The following WFDC11 variants were observed in gnomAD, a reference collection of about 807,000 sequenced individuals.
WFDC11 encodes WAP four-disulfide core domain 11, also known as protein WFDC11.
A neutral mutation model predicts 9.9 loss-of-function variants in WFDC11; 9 were observed. That is an observed-to-expected ratio of 0.91 (90% CI 0.55 to 1.58). WFDC11 has a LOEUF of 1.58. Among genes scored for constraint, WFDC11 ranks in the 40% most tolerant of loss-of-function variants. The probability of loss-of-function intolerance (pLI) is 0.00; values close to 1 mark genes in which losing one functional copy is unlikely to be tolerated. For missense variants in WFDC11, 106 were observed against 101.7 expected (o/e 1.04, Z -0.18); for synonymous variants, 32 against 33.3 (o/e 0.96, Z 0.13).
intron 2 of WFDC11, among the ~76,000 whole-genome samples, chr20:45,659,326 C>T (rs754900567): frequency 6.6e-6 from 1 of 152,212 alleles, no homozygotes; most frequent in Non-Finnish European, 1.5e-5. Flanking sequence ...TACAGTCCCA[C>T]CAACAGTGTA....
chr20:45,650,255 G>T (rs867670563), intron 3 of WFDC11, among the ~76,000 whole-genome samples: 1,541 of 151,518 alleles, frequency 0.01, 8 homozygotes, highest in Middle Eastern at 0.017. Context: ...TATAGAGAGA[G>T]AGAGAGAGAG....
chr20:45,668,824 G>A (rs1983238947), intron 1 of WFDC11, among the ~76,000 whole-genome samples: 1 of 152,102 alleles, frequency 6.6e-6, no homozygotes, highest in Admixed American at 6.5e-5. Context: ...GACAAGCTTG[G>A]TGGTTTCAGT....
intron 2 of WFDC11, among the ~76,000 whole-genome samples, chr20:45,652,614 A>G (rs1336314411): frequency 1.3e-5 from 2 of 152,202 alleles, no homozygotes; most frequent in Non-Finnish European, 2.9e-5. Flanking sequence ...AGAAGGCTTC[A>G]GACGATCAAA....
chr20:45,662,591 C>T (rs1209400054), intron 2 of WFDC11, among the ~76,000 whole-genome samples: 2 of 152,098 alleles, frequency 1.3e-5, no homozygotes, highest in East Asian at 3.8e-4. Flanking sequence ...GAGATACGTC[C>T]CATCAATAGC....
chr20:45,653,556 A>G (rs1412730334), intron 2 of WFDC11, among the ~76,000 whole-genome samples: 1 of 152,162 alleles, frequency 6.6e-6, no homozygotes, highest in African/African-American at 2.4e-5. Context: ...CATCATAATG[A>G]CAGGATCAAA....
chr20:45,652,394 A>G (rs1982827882), intron 2 of WFDC11, among the ~76,000 whole-genome samples: 1 of 152,152 alleles, frequency 6.6e-6, no homozygotes, highest in African/African-American at 2.4e-5. Flanking sequence ...AAGGAAAACT[A>G]ACAAACAGAA....
intron 2 of WFDC11, among the ~76,000 whole-genome samples, chr20:45,659,398 G>T (rs1422156508): frequency 2.0e-5 from 3 of 152,068 alleles, no homozygotes; most frequent in South Asian, 2.1e-4. Flanking sequence ...TTTAATGATT[G>T]CCATTCTAAC....
rs910480649 is a variant in WFDC11 at position 45,663,553 on chromosome 20, T to C, written c.-52+3535A>G. On this transcript the variant is annotated intron_variant, in intron 2 of 4. Transcript: ENST00000324384. ...ATTTTAGACCTTCCCTGCTTTCTCT[T>C]GTGGGCATTTAGTGCTATAAATTTC... 3.3e-5 allele frequency among the ~76,000 whole-genome samples: 5 copies of C among 152,230 alleles called. No individual in the cohort carries two copies. The East Asian group carries it at 5.8e-4, about 18-fold the overall frequency.
chr20:45,666,281 G>T lies in WFDC11; in HGVS notation c.-52+807C>A, dbSNP rs148069397. Among the ~76,000 whole-genome samples, 53 of 152,358 alleles carry T rather than the reference G, an allele frequency of 3.5e-4. No individual in the cohort carries two copies. In the East Asian group the frequency reaches 8.9e-3, roughly 25 times the overall value. ...GCCAGTTGCTAAGACCTTGGGAAAA[G>T]CACAGTATTTGGGTGGGAGTGTCCT... On this transcript the variant is annotated intron_variant, in intron 2 of 4. Coordinates refer to ENST00000324384, the MANE Select transcript of WFDC11 (RefSeq NM_147197.2).
At chr20:45,659,214 T>C (rs991158312) in intron 2 of WFDC11, among the ~76,000 whole-genome samples, 11 of 152,262 alleles carry the variant, frequency 7.2e-5, no homozygotes, top group African/African-American at 1.2e-4. Context: ...TTATAATCCT[T>C]TGGGTGTATA....
At chr20:45,654,886 A>G (rs1982889504) in intron 2 of WFDC11, among the ~76,000 whole-genome samples, 2 of 152,358 alleles carry the variant, frequency 1.3e-5, no homozygotes, top group South Asian at 4.1e-4. Flanking sequence ...AACCAGGAAG[A>G]AGTTGAATCG....
At chr20:45,660,731 A>G (rs6073840) in intron 2 of WFDC11, among the ~76,000 whole-genome samples, 26,623 of 152,102 alleles carry the variant, frequency 0.18, 2,502 homozygotes, top group East Asian at 0.32. Flanking sequence ...CCATGTCCCT[A>G]CAAAGGACAT....
chr20:45,663,195 A>T (rs572248781), intron 2 of WFDC11, among the ~76,000 whole-genome samples: 1 of 152,100 alleles, frequency 6.6e-6, no homozygotes, highest in Non-Finnish European at 1.5e-5. Flanking sequence ...TACATTTTCT[A>T]GTTTATTTGC....
At chr20:45,654,648 T>A (rs1052110697) in intron 2 of WFDC11, among the ~76,000 whole-genome samples, 3 of 151,932 alleles carry the variant, frequency 2.0e-5, no homozygotes, top group African/African-American at 7.3e-5. Flanking sequence ...CAGGAGCTGG[T>A]TTTTTGAAAA....
Position 45,668,421 on chromosome 20 carries a change from T to C in WFDC11, c.-133-1252A>G, listed in dbSNP as rs190938225. Among the ~76,000 whole-genome samples, 480 of 152,200 alleles carry C rather than the reference T, an allele frequency of 3.2e-3. 4 individuals carry two copies. The highest frequency in any genetic ancestry group is 0.011 in the African/African-American group (443 of 41,548). On this transcript the variant is annotated intron_variant, in intron 1 of 4. Transcript: ENST00000324384. Reference sequence around the variant, plus strand: ...TGCCTCTTCCCACTTTACAATATACTCTTGGCCTTGTCCTATTCCTGGGAC... The same window carrying C: ...TGCCTCTTCCCACTTTACAATATACCCTTGGCCTTGTCCTATTCCTGGGAC...
chr20:45,660,220 T>C (rs915924470), intron 2 of WFDC11, among the ~76,000 whole-genome samples: 2 of 152,162 alleles, frequency 1.3e-5, no homozygotes, highest in African/African-American at 4.8e-5. Context: ...TGTGTCACTA[T>C]TGTTGTTAAG....
Position 45,648,737 on chromosome 20 carries a change from T to A in WFDC11, c.246A>T (p.Glu82Asp). ...YCGNICWINVETSGDY is the reference protein window; with the variant it reads ...YCGNICWINVDTSGDY ...TACGGTTTTAGTAATCTCCACTGGT[T>A]TCCTGTAAAACAAAAAGGTTAGATT... is the stretch of plus-strand genomic sequence containing the variant. The change falls in exon 5 of 5, where the codon GAA becomes GAT. Residue 82 changes from glutamate (E) to aspartate (D), a missense_variant and splice_region_variant. Physicochemically the swap from Glu to Asp is conservative, Grantham distance 45 (BLOSUM62 2). Transcript: ENST00000324384. 6.2e-7 allele frequency: 1 copy of A among 1,614,100 alleles called. No individual in the cohort carries two copies. The highest frequency in any genetic ancestry group is 8.5e-7 in the Non-Finnish European group (1 of 1,179,970).
intron 2 of WFDC11, among the ~76,000 whole-genome samples, chr20:45,659,209 A>T (rs1272065583): frequency 1.3e-5 from 2 of 152,212 alleles, no homozygotes; most frequent in Non-Finnish European, 2.9e-5. Flanking sequence ...ATGATTTATA[A>T]TCCTTTGGGT....
chr20:45,654,870 A>C (rs1982888907), intron 2 of WFDC11, among the ~76,000 whole-genome samples: 1 of 152,244 alleles, frequency 6.6e-6, no homozygotes, highest in East Asian at 1.9e-4. Flanking sequence ...CACCCTCCCA[A>C]GACTAAACCA....
Sources: gnomAD v4.1 joint callset for allele counts (sites outside exome capture counted in the v4.1 genomes callset) on GRCh38, gnomAD v4.1.1 for gene constraint, MANE v1.5 for transcripts, NCBI Gene and HGNC (gene_info 2026-07-23, HGNC 2026-07-21) for gene names.